The following PCSK9 variants were observed in gnomAD, a reference collection of about 807,000 sequenced individuals.
PCSK9 encodes the protein proprotein convertase subtilisin/kexin type 9.
PCSK9 carries 57 observed loss-of-function variants against 62.1 expected under a neutral mutation model. The ratio of observed to expected loss-of-function variants is 0.92; its 90% CI spans 0.74 to 1.14. PCSK9 has a LOEUF of 1.14. PCSK9 is among the 50% of genes most tolerant of loss of function. PCSK9 has a pLI of 0.00. For missense variants in PCSK9, 870 were observed against 959.8 expected (o/e 0.91, Z 1.24); for synonymous variants, 387 against 409.4 (o/e 0.95, Z 0.66).
rs994863637 is a variant in PCSK9, at chr1:55,059,804, C to T, written c.1681+141C>T. On this transcript the variant is annotated intron_variant, in intron 10 of 11. Transcript: ENST00000302118. ...GTTCCATACTCTGGTTCTGCCACTT[C>T]CATGCCCTTTGAGCCTGGGCAGGTG... The T allele has an allele frequency of 2.2e-5, 25 of 1,126,928 alleles. No homozygotes were observed. In the Admixed American group the frequency reaches 2.4e-4, roughly 11 times the overall value. 69.8% of individuals were successfully genotyped at this position (1,126,928 alleles called of 1,614,324 possible).
chr1:55,052,788 A>G lies in PCSK9; in HGVS notation c.796A>G (p.Ile266Val). Residue 266 changes from isoleucine to valine, a missense_variant, in exon 5 of 12, where the codon ATA (isoleucine) becomes GTA (valine). By Grantham distance (29) the Ile-to-Val change is conservative. Transcript: ENST00000302118. ...QGKGTVSGTL[I>V]GLEFIRKSQL... ...GAAGGGCACGGTTAGCGGCACCCTC[A>G]TAGGTAAGTGATGGCCCCAGACGCT... The G allele has an allele frequency of 6.2e-7, 1 of 1,613,090 alleles. No homozygotes were observed. Among genetic ancestry groups the G allele is most frequent in the East Asian group, 2.2e-5 (1 of 44,876 alleles).
In PCSK9 at chr1:55,057,320, C is replaced by T; in HGVS notation, c.997-11C>T. 2 of 1,613,164 alleles carry T rather than the reference C, an allele frequency of 1.2e-6. No individual in the cohort carries two copies. The highest frequency in any genetic ancestry group is 1.1e-5 in the South Asian group (1 of 91,070). ...CTCCTTTCTCTGCCACCCACCTCCT[C>T]ACCTTTCCAGGTCATCACAGTTGGG... On this transcript the variant is annotated splice_polypyrimidine_tract_variant and intron_variant, in intron 6 of 11. Transcript: ENST00000302118.
intron 3 of PCSK9, chr1:55,052,059 T>C (rs1039222157): frequency 3.0e-6 from 2 of 657,166 alleles, no homozygotes; most frequent in Non-Finnish European, 2.7e-6. Context: ...CTGATGGCCT[T>C]GGACAGTTAC....
At chr1:55,042,863 A>G (rs973831128) in intron 1 of PCSK9, among the ~76,000 whole-genome samples, 1 of 152,150 alleles carries the variant, frequency 6.6e-6, no homozygotes, top group Non-Finnish European at 1.5e-5. Flanking sequence ...GTCATGGGGG[A>G]GGAACCCCTG....
chr1:55,039,846 C>G lies in PCSK9; in HGVS notation c.9C>G (p.Thr3=). 6.4e-7 allele frequency: 1 copy of G among 1,566,054 alleles called. No homozygotes were observed. Among genetic ancestry groups the G allele is most frequent in the Non-Finnish European group, 8.6e-7 (1 of 1,156,336 alleles). The change falls in exon 1 of 12, where the codon ACC becomes ACG. Residue 3 remains threonine (T), a synonymous_variant. Transcript: ENST00000302118. Reference sequence around the variant, plus strand: ...CCTCTCCCCTGGCCCTCATGGGCACCGTCAGCTCCAGGCGGTCCTGGTGGC... The same window carrying G: ...CCTCTCCCCTGGCCCTCATGGGCACGGTCAGCTCCAGGCGGTCCTGGTGGC... The part of the protein sequence containing the change: MG[T]VSSRRSWWPL...
chr1:55,048,396 G>A (rs1418894471), intron 3 of PCSK9, among the ~76,000 whole-genome samples: 2 of 152,212 alleles, frequency 1.3e-5, no homozygotes, highest in South Asian at 2.1e-4. Context: ...GGATGTGAGT[G>A]TATCTCTTTG....
chr1:55,039,683 C>G lies in PCSK9; in HGVS notation c.-155C>G. 9.0e-6 allele frequency: 8 copies of G among 885,116 alleles called. No homozygotes were observed. In the South Asian group the frequency reaches 1.2e-4, roughly 13 times the overall value. The allele number at this position is 885,116 out of a possible 1,614,324, so 54.8% of individuals were successfully genotyped here. On this transcript the variant is annotated 5_prime_UTR_variant, in exon 1 of 12. Transcript: ENST00000302118. ...TCGTTGCAGCAGCGGCTCCCAGCTC[C>G]CAGCCAGGATTCCGCGCGCCCCTTC...
At chr1:55,050,192 G>A (rs2100289364) in intron 3 of PCSK9, among the ~76,000 whole-genome samples, 1 of 152,356 alleles carries the variant, frequency 6.6e-6, no homozygotes, top group Non-Finnish European at 1.5e-5. Context: ...TGCTTCCTGA[G>A]CACCTGTATC....
intron 5 of PCSK9, among the ~76,000 whole-genome samples, chr1:55,054,410 C>T (rs548323322): frequency 1.3e-5 from 2 of 152,248 alleles, no homozygotes; most frequent in African/African-American, 2.4e-5. Context: ...TAACTAGCAG[C>T]TGTAAATGTG....
At chr1:55,052,174 C>T (rs576818517) in intron 3 of PCSK9, 104 bp from the exon 4 acceptor site, 119 of 1,485,866 alleles carry the variant, frequency 8.0e-5, no homozygotes, top group Middle Eastern at 1.8e-4. Flanking sequence ...ATATTTAAGG[C>T]GCTTTCACCA....
Position 55,052,751 on chromosome 1 carries a change from C to T in PCSK9, c.759C>T (p.Leu253=), listed in dbSNP as rs1158771600. The stretch of plus-strand genomic sequence containing the variant: ...CCAGCATGCGCAGCCTGCGCGTGCT[C>T]AACTGCCAAGGGAAGGGCACGGTTA... ...KGASMRSLRV[L]NCQGKGTVSG... is the part of the protein sequence containing the mutation. Residue 253 remains leucine, a synonymous_variant, in exon 5 of 12, where the codon CTC becomes CTT. Transcript: ENST00000302118. 1.2e-6 allele frequency: 2 copies of T among 1,613,210 alleles called. No individual in the cohort carries two copies. Among genetic ancestry groups the T allele is most frequent in the Non-Finnish European group, 1.7e-6 (2 of 1,180,008 alleles).
Position 55,040,124 on chromosome 1 carries a change from C to A in PCSK9, c.207+80C>A. 1.3e-6 allele frequency: 2 copies of A among 1,494,744 alleles called. No homozygotes were observed. Among genetic ancestry groups the A allele is most frequent in the South Asian group, 1.2e-5 (1 of 81,806 alleles). 92.6% of individuals were successfully genotyped at this position (1,494,744 alleles called of 1,614,324 possible). On this transcript the variant is annotated intron_variant, in intron 1 of 11. Transcript: ENST00000302118. This position sits in a 1 kb window ranked among gnomAD's most constrained non-coding sequence, Gnocchi z 4.1. ...GCTGTTTCCTCTCGGGCCTCAGTTT[C>A]CCCCCATGTAAGAGAGGAAGTGGAG...
At chr1:55,045,587 G>A (rs1644628493) in intron 2 of PCSK9, among the ~76,000 whole-genome samples, 1 of 152,154 alleles carries the variant, frequency 6.6e-6, no homozygotes, top group African/African-American at 2.4e-5. Context: ...CCTCTGCCCA[G>A]TTGGAGCCGG....
intron 10 of PCSK9, among the ~76,000 whole-genome samples, chr1:55,060,492 A>C (rs28362271): frequency 0.013 from 1,955 of 152,228 alleles, 39 homozygotes; most frequent in African/African-American, 0.044. Context: ...TGTAGGATGG[A>C]TGTTCAGGAA....
intron 1 of PCSK9, among the ~76,000 whole-genome samples, chr1:55,043,216 C>T (rs28362218): frequency 6.6e-6 from 1 of 152,220 alleles, no homozygotes; most frequent in South Asian, 2.1e-4. Context: ...ACTTTTCTCT[C>T]TCTTTAAGAA....
At position 55,057,446 on chromosome 1, in the gene PCSK9, C is replaced by T. The variant is rs1644724074; in HGVS notation, c.1112C>T (p.Ala371Val). The T allele has an allele frequency of 6.2e-7, 1 of 1,614,106 alleles. No individual in the cohort carries two copies. Among genetic ancestry groups the T allele is most frequent in the East Asian group, 2.2e-5 (1 of 44,888 alleles). The change falls in exon 7 of 12, where the codon GCC (alanine) becomes GTC (valine). Residue 371 changes from alanine (A) to valine (V), a missense_variant. Coordinates refer to ENST00000302118, the MANE Select transcript of PCSK9 (RefSeq NM_174936.4). ...LFAPGEDIIG[A>V]SSDCSTCFVS... ...GCCCCAGGGGAGGACATCATTGGTG[C>T]CTCCAGCGACTGCAGCACCTGCTTT... is the stretch of plus-strand genomic sequence containing the variant.
At position 55,059,468 on chromosome 1, in the gene PCSK9, T is replaced by G. The variant is rs1292484542; in HGVS notation, c.1504-18T>G. On this transcript the variant is annotated intron_variant, in intron 9 of 11. Transcript: ENST00000302118. ...GCCCATTCTAAAGCAGATTCCCATT[T>G]CCGTCTTTGACTCTAAGGCCCAAGG... 6.4e-7 allele frequency: 1 copy of G among 1,556,174 alleles called. No homozygotes were observed. Among genetic ancestry groups the G allele is most frequent in the Admixed American group, 1.9e-5 (1 of 51,290 alleles).
At chr1:55,057,653 C>A in intron 7 of PCSK9, 139 bp downstream of exon 7, 1 of 1,107,260 alleles carries the variant, frequency 9.0e-7, no homozygotes, top group Non-Finnish European at 1.3e-6. Flanking sequence ...CCTTCAAGGA[C>A]ACTCAGTCTG....
chr1:55,062,713 TG>T, intron 11 of PCSK9, among the ~76,000 whole-genome samples: 1 of 151,850 alleles, frequency 6.6e-6, no homozygotes, highest in South Asian at 2.1e-4. Flanking sequence ...AGTTATGAGA[TG>T]GGGGGTGCCT....
Sources: allele counts gnomAD v4.1 joint callset (sites outside exome capture counted in the v4.1 genomes callset), GRCh38; gene constraint gnomAD v4.1.1; non-coding constraint Gnocchi (gnomAD v3.1); transcripts MANE v1.5; gene names NCBI Gene and HGNC (gene_info 2026-07-23, HGNC 2026-07-21).